THAP6: variants seen among roughly 807,000 people sequenced by gnomAD.
The protein encoded by THAP6 is THAP domain-containing protein 6.
In THAP6, 13 loss-of-function variants were observed where a neutral mutation model predicts 20.0. That is an observed-to-expected ratio of 0.65 (90% CI 0.42 to 1.03). The LOEUF (loss-of-function observed/expected upper bound fraction) is 1.03, where lower values mean the gene tolerates loss of function less well. Ranked by LOEUF, THAP6 falls within the 50% of genes least tolerant of loss-of-function variation. The pLI, the probability that THAP6 is intolerant of heterozygous loss-of-function variation, is 0.00. For missense variants in THAP6, 262 were observed against 261.6 expected (o/e 1.00, Z -0.01); for synonymous variants, 93 against 92.2 (o/e 1.01, Z -0.05).
chr4:75,517,257 C>A, intron 3 of THAP6: 1 of 269,414 alleles, frequency 3.7e-6, no homozygotes, highest in Admixed American at 4.7e-5. Flanking sequence ...ACCTCGTGAT[C>A]CACCCTCCTC....
chr4:75,533,742 G>A (rs548944895), downstream of THAP6, among the ~76,000 whole-genome samples: 1 of 152,026 alleles, frequency 6.6e-6, no homozygotes, highest in South Asian at 2.1e-4. Flanking sequence ...AACTCCTGTT[G>A]TTGTTTTTTT....
downstream of THAP6, among the ~76,000 whole-genome samples, chr4:75,533,518 C>T (rs1283603786): frequency 3.3e-5 from 5 of 152,192 alleles, no homozygotes; most frequent in Non-Finnish European, 7.3e-5. Flanking sequence ...ATCTTTCCAT[C>T]AGCACCCCAC....
At chr4:75,532,534 C>A (rs1373344446), downstream of THAP6, among the ~76,000 whole-genome samples, 1 of 152,200 alleles carries the variant, frequency 6.6e-6, no homozygotes, top group Non-Finnish European at 1.5e-5. Flanking sequence ...CTCCACTAGG[C>A]AGTGCCCAGT....
At chr4:75,540,121 G>T (rs202187600) in intron 2 of THAP6, among the ~76,000 whole-genome samples, 1 of 152,030 alleles carries the variant, frequency 6.6e-6, no homozygotes. Flanking sequence ...GATATGTTTC[G>T]TTCATTCACC....
At chr4:75,540,119 T>C (rs576395925) in intron 2 of THAP6, among the ~76,000 whole-genome samples, 11 of 152,348 alleles carry the variant, frequency 7.2e-5, no homozygotes, top group African/African-American at 2.6e-4. Flanking sequence ...TAGATATGTT[T>C]CGTTCATTCA....
At chr4:75,534,828 A>G (rs2148828539), downstream of THAP6, among the ~76,000 whole-genome samples, 1 of 152,388 alleles carries the variant, frequency 6.6e-6, no homozygotes, top group East Asian at 1.9e-4. Flanking sequence ...ATCACTGGCC[A>G]TCAGAGAAAT....
intron 2 of THAP6, among the ~76,000 whole-genome samples, chr4:75,536,370 A>G (rs1296709086): frequency 6.6e-6 from 1 of 152,080 alleles, no homozygotes; most frequent in Admixed American, 6.5e-5. Context: ...AGGCTGAGGC[A>G]GGAAAATTGC....
Position 75,528,017 on chromosome 4 carries a change from T to G in THAP6, c.*803T>G, listed in dbSNP as rs1020685194. Reference sequence around the variant, plus strand: ...TTAAAATCTGAATGGCAGTACTAGCTCTATACTTTTAATACTGCTTTGTAT... The same window carrying G: ...TTAAAATCTGAATGGCAGTACTAGCGCTATACTTTTAATACTGCTTTGTAT... On this transcript the variant is annotated 3_prime_UTR_variant, in exon 5 of 5. Coordinates refer to ENST00000311638, the MANE Select transcript of THAP6 (RefSeq NM_144721.6). The G allele has an allele frequency of 1.0e-6, 1 of 985,102 alleles. No individual in the cohort carries two copies. Among genetic ancestry groups the G allele is most frequent in the African/African-American group, 1.7e-5 (1 of 57,228 alleles). The allele number at this position is 985,102 out of a possible 1,614,324, so 61.0% of individuals were successfully genotyped here.
intron 2 of THAP6, among the ~76,000 whole-genome samples, chr4:75,516,165 G>T (rs1419134991): frequency 6.6e-6 from 1 of 152,190 alleles, no homozygotes; most frequent in Non-Finnish European, 1.5e-5. Flanking sequence ...TCAAAACTGA[G>T]CATATATATC....
At chr4:75,543,149 C>T (rs1025684711) in intron 3 of THAP6, 4 of 152,226 alleles carry the variant, frequency 2.6e-5, no homozygotes, top group Admixed American at 6.5e-5. Context: ...ATGCTTTACT[C>T]AGCCACTGGA....
At chr4:75,525,234 A>G (rs1209785436) in intron 4 of THAP6, among the ~76,000 whole-genome samples, 2 of 151,760 alleles carry the variant, frequency 1.3e-5, no homozygotes, top group Non-Finnish European at 2.9e-5. Flanking sequence ...TTCTATCCCA[A>G]TTTTTCCCCT....
chr4:75,535,570 AG>A (rs1469799258), intron 2 of THAP6, among the ~76,000 whole-genome samples: 2 of 152,258 alleles, frequency 1.3e-5, no homozygotes, highest in Non-Finnish European at 2.9e-5. Context: ...ATGAAGAATT[AG>A]TGATATGTCA....
Position 75,528,281 on chromosome 4 carries a change from TTTCCTAA to T in THAP6, c.*1070_*1076del, listed in dbSNP as rs1726503420. On this transcript the variant is annotated 3_prime_UTR_variant, in exon 5 of 5. Transcript: ENST00000311638. ...TATGCAAAAGAATAATTCCTTGTTA[TTTCCTAA>T]TTGATCCAAGTCTCATAAATTTAGC... The T allele has an allele frequency of 2.0e-6, 2 of 985,326 alleles. No individual in the cohort carries two copies. Among genetic ancestry groups the T allele is most frequent in the Non-Finnish European group, 2.4e-6 (2 of 829,940 alleles). The allele number at this position is 985,326 out of a possible 1,614,324, so 61.0% of individuals were successfully genotyped here.
downstream of THAP6, chr4:75,530,034 T>C (rs746064689): frequency 7.3e-5 from 71 of 978,262 alleles, no homozygotes; most frequent in Non-Finnish European, 8.5e-5. Flanking sequence ...TAATGTGTTA[T>C]GTGGTTTTAT....
At chr4:75,538,263 C>T (rs928372846) in intron 2 of THAP6, among the ~76,000 whole-genome samples, 5 of 151,956 alleles carry the variant, frequency 3.3e-5, no homozygotes, top group African/African-American at 1.2e-4. Context: ...TGGACATGCA[C>T]ATACAGTGCC....
Position 75,527,050 on chromosome 4 carries a change from C to T in THAP6, c.505C>T (p.Leu169=), listed in dbSNP as rs777644991. The T allele has an allele frequency of 6.5e-5, 105 of 1,613,928 alleles. No homozygotes were observed. The highest frequency in any genetic ancestry group is 4.0e-5 in the Non-Finnish European group (47 of 1,180,000). ...CGAGCTAGAGGATACAAAGGAAAGTCTACGGAATGTTTTAGACCGAGAAAA... is the reference window on the plus strand; with the variant it reads ...CGAGCTAGAGGATACAAAGGAAAGTTTACGGAATGTTTTAGACCGAGAAAA... ...IGELEDTKES[L]RNVLDREKRF... Residue 169 remains leucine (L), a synonymous_variant, in exon 5 of 5, where the codon CTA becomes TTA. Transcript: ENST00000311638.
intron 3 of THAP6, chr4:75,517,838 C>T (rs1725761480): frequency 6.6e-6 from 1 of 152,224 alleles, no homozygotes; most frequent in African/African-American, 2.4e-5. Flanking sequence ...GGCTGCCTCA[C>T]CCTCAGTATC....
intron 2 of THAP6, among the ~76,000 whole-genome samples, chr4:75,535,777 C>G (rs553075960): frequency 2.0e-5 from 3 of 152,298 alleles, no homozygotes; most frequent in Admixed American, 2.0e-4. Flanking sequence ...TCAGCATAAA[C>G]TGGGTAAAGA....
chr4:75,520,444 T>G (rs1030309728), intron 3 of THAP6, among the ~76,000 whole-genome samples: 5 of 152,334 alleles, frequency 3.3e-5, no homozygotes, highest in Non-Finnish European at 5.9e-5. Context: ...CATCAGCATA[T>G]AAGAATTCCT....
Sources: gnomAD v4.1 joint callset for allele counts (sites outside exome capture counted in the v4.1 genomes callset) on GRCh38, gnomAD v4.1.1 for gene constraint, MANE v1.5 for transcripts, NCBI Gene and HGNC (gene_info 2026-07-23, HGNC 2026-07-21) for gene names.